Variants in MTF1 observed in about 807,000 individuals in gnomAD.
MTF1 encodes metal regulatory transcription factor 1, also known as MRE-binding transcription factor.
In MTF1, 22 loss-of-function variants were observed where a neutral mutation model predicts 70.4. The ratio of observed to expected loss-of-function variants is 0.31; its 90% CI spans 0.22 to 0.45. MTF1 has a LOEUF of 0.45. MTF1 is among the 20% of genes least tolerant of loss of function. The probability of loss-of-function intolerance (pLI) is 1.00; values close to 1 mark genes in which losing one functional copy is unlikely to be tolerated. For synonymous variants in MTF1, 333 were observed against 352.8 expected (o/e 0.94, Z 0.63); for missense variants, 649 against 922.0 (o/e 0.70, Z 3.83).
chr1:37,851,502 G>A (rs1488471029), intron 2 of MTF1, among the ~76,000 whole-genome samples: 1 of 152,172 alleles, frequency 6.6e-6, no homozygotes, highest in East Asian at 1.9e-4. Context: ...CTTCTGCCTA[G>A]ATCAGCATTT....
intron 9 of MTF1, among the ~76,000 whole-genome samples, chr1:37,821,066 G>GT (rs1640901700): frequency 6.6e-6 from 1 of 152,060 alleles, no homozygotes; most frequent in South Asian, 2.1e-4. Flanking sequence ...TGTAGTCCCA[G>GT]TTAGGAAGCT....
Position 37,812,006 on chromosome 1 carries a change from C to A in MTF1, c.*3130G>T, listed in dbSNP as rs1332889788. 2 of 152,696 alleles carry A rather than the reference C, an allele frequency of 1.3e-5. No homozygotes were observed. The highest frequency in any genetic ancestry group is 2.9e-5 in the Non-Finnish European group (2 of 68,066). The allele number at this position is 152,696 out of a possible 1,614,324, so 9.5% of individuals were successfully genotyped here. ...GTGCCAGCCAGTTTCCTTACCACCTCCTAAGTCCATGAACCCCAATCCCTG... is the reference window on the plus strand; with the variant it reads ...GTGCCAGCCAGTTTCCTTACCACCTACTAAGTCCATGAACCCCAATCCCTG... On this transcript the variant is annotated 3_prime_UTR_variant, in exon 11 of 11. Transcript: ENST00000373036.
At chr1:37,851,219 T>C (rs1055134523) in intron 2 of MTF1, among the ~76,000 whole-genome samples, 4 of 152,170 alleles carry the variant, frequency 2.6e-5, no homozygotes, top group Non-Finnish European at 5.9e-5. Context: ...AACCTACTGA[T>C]TTCAAGAATA....
chr1:37,838,952 C>A (rs977033470), intron 3 of MTF1, among the ~76,000 whole-genome samples, 196 bp from the exon 4 acceptor site: 10 of 151,540 alleles, frequency 6.6e-5, no homozygotes, highest in African/African-American at 2.4e-4. Flanking sequence ...TTATGGGAGC[C>A]CACAACCACG....
In MTF1 at chr1:37,811,496, GTA is replaced by G. The variant is rs1439496174; in HGVS notation, c.*3638_*3639del. 1 of 152,550 alleles carries G rather than the reference GTA, an allele frequency of 6.6e-6. No individual in the cohort carries two copies. Among genetic ancestry groups the G allele is most frequent in the East Asian group, 1.9e-4 (1 of 5,200 alleles). 9.4% of individuals were successfully genotyped at this position (152,550 alleles called of 1,614,324 possible). A position where few individuals can be genotyped will look rare whatever the true frequency, so the allele number is the denominator to read the frequency against. On this transcript the variant is annotated 3_prime_UTR_variant, in exon 11 of 11. Coordinates refer to ENST00000373036, the MANE Select transcript of MTF1 (RefSeq NM_005955.3). ...AAAACTTTGTGGAAAGTATATATAT[GTA>G]TATATACACACAAAAGAAATTGCAG...
At position 37,817,234 on chromosome 1, in the gene MTF1, C is replaced by T. The variant is rs150772803; in HGVS notation, c.1831+185G>A. ...TGTTAAACACGGTATTTTGGCCAGA[C>T]GTATACTAACTTCTAATAGTTGTGA... On this transcript the variant is annotated intron_variant, in intron 10 of 10. Transcript: ENST00000373036. Among the ~76,000 whole-genome samples the T allele has an allele frequency of 4.4e-3, 666 of 152,244 alleles. 5 individuals carry two copies. Among genetic ancestry groups the T allele is most frequent in the African/African-American group, 9.9e-3 (413 of 41,548 alleles).
chr1:37,831,813 TGAAAAA>T (rs1363119839), intron 7 of MTF1, among the ~76,000 whole-genome samples: 3 of 151,922 alleles, frequency 2.0e-5, no homozygotes, highest in African/African-American at 7.3e-5. Flanking sequence ...AAAATTAAAA[TGAAAAA>T]GGAAAAGACC....
rs575548885 is a variant in MTF1 at position 37,812,054 on chromosome 1, G to A, written c.*3082C>T. 2 of 152,820 alleles carry A rather than the reference G, an allele frequency of 1.3e-5. No individual in the cohort carries two copies. 9.5% of individuals were successfully genotyped at this position (152,820 alleles called of 1,614,324 possible). On this transcript the variant is annotated 3_prime_UTR_variant, in exon 11 of 11. Coordinates refer to ENST00000373036, the MANE Select transcript of MTF1 (RefSeq NM_005955.3). ...CTGGTGCTAAGCACCCTTTGAAGCG[G>A]TTGTCTAATTGGAGATGTTAGTAGG...
At chr1:37,842,240 C>G (rs530865033) in intron 2 of MTF1, among the ~76,000 whole-genome samples, 1 of 151,706 alleles carries the variant, frequency 6.6e-6, no homozygotes, top group South Asian at 2.1e-4. Context: ...TAGACTCCAG[C>G]CTAGATGACA....
At position 37,812,370 on chromosome 1, in the gene MTF1, C is replaced by T. The variant is rs1316137993; in HGVS notation, c.*2766G>A. On this transcript the variant is annotated 3_prime_UTR_variant, in exon 11 of 11. Coordinates refer to ENST00000373036, the MANE Select transcript of MTF1 (RefSeq NM_005955.3). ...AAGACTGCCTATCCTGGGAAATAAA[C>T]CTGATCTTCACAACCACTCACTGGC... is the stretch of plus-strand genomic sequence containing the variant. 3.3e-5 allele frequency: 5 copies of T among 152,282 alleles called. No homozygotes were observed. Among genetic ancestry groups the T allele is most frequent in the Non-Finnish European group, 5.9e-5 (4 of 68,090 alleles). The allele number at this position is 152,282 out of a possible 1,614,324, so 9.4% of individuals were successfully genotyped here.
chr1:37,812,157 G>C lies in MTF1; in HGVS notation c.*2979C>G, dbSNP rs1640749152. 1.3e-5 allele frequency: 2 copies of C among 152,418 alleles called. No individual in the cohort carries two copies. Among genetic ancestry groups the C allele is most frequent in the African/African-American group, 4.8e-5 (2 of 41,574 alleles). The allele number at this position is 152,418 out of a possible 1,614,324, so 9.4% of individuals were successfully genotyped here. A position where few individuals can be genotyped will look rare whatever the true frequency, so the allele number is the denominator to read the frequency against. ...AAAAAGGCTTGATTTTTACCTGCTA[G>C]AATTCTACAAATCCTCCCTAACCTC... On this transcript the variant is annotated 3_prime_UTR_variant, in exon 11 of 11. Coordinates refer to ENST00000373036, the MANE Select transcript of MTF1 (RefSeq NM_005955.3).
intron 9 of MTF1, among the ~76,000 whole-genome samples, chr1:37,818,711 A>G (rs1427537246): frequency 6.8e-6 from 1 of 147,874 alleles, no homozygotes; most frequent in African/African-American, 2.5e-5. Context: ...CTCAAAAAAA[A>G]AGGCCAGGTG....
Position 37,838,618 on chromosome 1 carries a change from G to A in MTF1, c.779+7C>T. On this transcript the variant is annotated splice_region_variant and intron_variant, in intron 4 of 10. Transcript: ENST00000373036. ...GTCAGTGACAAATAGAAAACAGTAA[G>A]ACCTACCGAAATGGCTTTTCCCCTG... 1 of 1,609,808 alleles carries A rather than the reference G, an allele frequency of 6.2e-7. No individual in the cohort carries two copies. The highest frequency in any genetic ancestry group is 8.5e-7 in the Non-Finnish European group (1 of 1,177,250).
intron 3 of MTF1, among the ~76,000 whole-genome samples, chr1:37,839,297 C>T (rs1258368612): frequency 6.6e-6 from 1 of 152,216 alleles, no homozygotes; most frequent in Non-Finnish European, 1.5e-5. Flanking sequence ...CCTGACCCCA[C>T]ATCCTGCTTG....
intron 2 of MTF1, 58 bp downstream of exon 2, chr1:37,857,193 A>C: frequency 6.5e-7 from 1 of 1,549,520 alleles, no homozygotes; most frequent in South Asian, 1.2e-5. Flanking sequence ...TTGCACCAAG[A>C]ATTTTGTAAG....
chr1:37,839,335 AC>A (rs1641221888), intron 3 of MTF1, among the ~76,000 whole-genome samples: 1 of 152,002 alleles, frequency 6.6e-6, no homozygotes, highest in Non-Finnish European at 1.5e-5. Flanking sequence ...TAGTTATAGA[AC>A]CCCTCTGTGC....
At position 37,815,685 on chromosome 1, in the gene MTF1, G is replaced by T; in HGVS notation, c.1832-119C>A. The T allele has an allele frequency of 1.3e-6, 1 of 743,590 alleles. No homozygotes were observed. 46.1% of individuals were successfully genotyped at this position (743,590 alleles called of 1,614,324 possible). On this transcript the variant is annotated intron_variant, in intron 10 of 10. Transcript: ENST00000373036. The surrounding 1 kb of genome is among the most constrained non-coding windows in gnomAD (Gnocchi z 4.5). ...CATGGGAACCATGGGAAGGATGGTTGCCACACTTCGGGCTTCGTTCTGCTT... is the reference window on the plus strand; with the variant it reads ...CATGGGAACCATGGGAAGGATGGTTTCCACACTTCGGGCTTCGTTCTGCTT...
chr1:37,818,896 G>A (rs776516539), intron 9 of MTF1, among the ~76,000 whole-genome samples: 1 of 151,912 alleles, frequency 6.6e-6, no homozygotes, highest in Non-Finnish European at 1.5e-5. Flanking sequence ...GGGAGGCTGA[G>A]GCAAGAGAAT....
intron 2 of MTF1, among the ~76,000 whole-genome samples, chr1:37,844,157 A>C (rs528813087): frequency 3.0e-4 from 46 of 152,340 alleles, no homozygotes; most frequent in Admixed American, 2.2e-3. Context: ...ACATTCAAAG[A>C]TCTTTCCAGG....
Sources: allele counts gnomAD v4.1 joint callset (sites outside exome capture counted in the v4.1 genomes callset), GRCh38; gene constraint gnomAD v4.1.1; non-coding constraint Gnocchi (gnomAD v3.1); transcripts MANE v1.5; gene names NCBI Gene and HGNC (gene_info 2026-07-23, HGNC 2026-07-21).